The following E2F7 variants were observed in gnomAD, a reference collection of about 807,000 sequenced individuals.
The protein encoded by E2F7 is E2F transcription factor 7.
In E2F7, 35 loss-of-function variants were observed where a neutral mutation model predicts 81.1. The ratio of observed to expected loss-of-function variants is 0.43; its 90% CI spans 0.33 to 0.57. E2F7 has a LOEUF of 0.57. Ranked by LOEUF, E2F7 falls within the 20% of genes least tolerant of loss-of-function variation. The pLI, the probability that E2F7 is intolerant of heterozygous loss-of-function variation, is 0.04. For missense variants in E2F7, 961 were observed against 1,093.7 expected (o/e 0.88, Z 1.71); for synonymous variants, 416 against 416.2 (o/e 1.00, Z 0.01).
In E2F7 at chr12:77,046,247, T is replaced by C; in HGVS notation, c.620A>G (p.Tyr207Cys). 6.2e-7 allele frequency: 1 copy of C among 1,614,206 alleles called. No individual in the cohort carries two copies. Among genetic ancestry groups the C allele is most frequent in the Non-Finnish European group, 8.5e-7 (1 of 1,180,040 alleles). Residue 207 changes from tyrosine to cysteine, a missense_variant, in exon 5 of 13, where the codon TAT becomes TGT. Transcript: ENST00000322886. ...CAGGCTGTGCCGTCCATGCCAGCCA[T>C]ACTGATTCTTAGCCACCCGGCTGAC... The part of the protein sequence containing the change: ...HLVSRVAKNQ[Y>C]GWHGRHSLPK...
In E2F7 at chr12:77,033,045, C is replaced by T. The variant is rs1218319981; in HGVS notation, c.1382+5G>A. 6.2e-7 allele frequency: 1 copy of T among 1,612,362 alleles called. No homozygotes were observed. Among genetic ancestry groups the T allele is most frequent in the Admixed American group, 1.7e-5 (1 of 59,802 alleles). ...ATACACTCTGAGCTTTTATAGACTA[C>T]TTACTGTGAATTGTCTTCTATTTTC... On this transcript the variant is annotated splice_donor_5th_base_variant and intron_variant, in intron 9 of 12. Transcript: ENST00000322886.
chr12:77,063,168 C>G (rs950738642), intron 2 of E2F7, among the ~76,000 whole-genome samples: 1 of 152,194 alleles, frequency 6.6e-6, no homozygotes, highest in African/African-American at 2.4e-5. Flanking sequence ...TATTGCAGTG[C>G]TCATGTTCGA....
rs142084654 is a variant in E2F7 at position 77,059,095 on chromosome 12, G to A, written c.94-2965C>T. ...TTGCTTCCAAAAGAGTTACTTTAGCGAGGGAGCAACTGAGAATGGATTATT... is the reference window on the plus strand; with the variant it reads ...TTGCTTCCAAAAGAGTTACTTTAGCAAGGGAGCAACTGAGAATGGATTATT... On this transcript the variant is annotated intron_variant, in intron 2 of 12. Transcript: ENST00000322886. 9.7e-3 allele frequency among the ~76,000 whole-genome samples: 1,474 copies of A among 152,288 alleles called. 19 individuals are homozygous for A. Among genetic ancestry groups the A allele is most frequent in the African/African-American group, 0.033 (1,373 of 41,548 alleles).
chr12:77,027,235 T>C (rs1468955338), intron 11 of E2F7, among the ~76,000 whole-genome samples: 1 of 152,212 alleles, frequency 6.6e-6, no homozygotes, highest in Non-Finnish European at 1.5e-5. Context: ...ATGTACAAAG[T>C]ACATATTTTT....
rs780614837 is a variant in E2F7 at position 77,043,119 on chromosome 12, G to A, written c.1069C>T (p.Arg357Ter). Residue 357 changes from arginine (R) to a stop codon, truncating the protein, a stop_gained, in exon 7 of 13, where the codon CGA (arginine) becomes TGA (stop). Transcript: ENST00000322886. LOFTEE classifies it high-confidence loss of function. ...CACTTGAAGGCTGGTTTACGACCTC[G>A]CTCTTCTGTTACATGCACTTTCTTT... The part of the protein sequence containing the change: ...LIKKVHVTEE[R>*]GRKPAFKWIG... 2 of 1,614,114 alleles carry A rather than the reference G, an allele frequency of 1.2e-6. No individual in the cohort carries two copies. Among genetic ancestry groups the A allele is most frequent in the East Asian group, 2.2e-5 (1 of 44,874 alleles).
chr12:77,047,912 C>G (rs1029198932), intron 4 of E2F7, among the ~76,000 whole-genome samples: 2 of 152,130 alleles, frequency 1.3e-5, no homozygotes, highest in Admixed American at 1.3e-4. Context: ...TTCTATAAAC[C>G]TTCCCATTAG....
chr12:77,044,683 T>C lies in E2F7; in HGVS notation c.942A>G (p.Ile314Met). The C allele has an allele frequency of 6.2e-7, 1 of 1,614,184 alleles. No individual in the cohort carries two copies. Among genetic ancestry groups the C allele is most frequent in the Non-Finnish European group, 8.5e-7 (1 of 1,180,022 alleles). ...GGGCATCTTGGCTTTCTTCTATCAG[T>C]ATTTTGGCAGCCACATCCAGAGTGA... is the stretch of plus-strand genomic sequence containing the variant. Reference protein sequence around the residue: ...KIVTLDVAAKILIEESQDAPD... With the variant: ...KIVTLDVAAKMLIEESQDAPD... Residue 314 changes from isoleucine (I) to methionine (M), a missense_variant, in exon 6 of 13, where the codon ATA becomes ATG. Physicochemically the swap from Ile to Met is conservative, Grantham distance 10 (BLOSUM62 1). Around this residue, in one of 3 missense-constraint regions of E2F7, gnomAD observed 301 missense variants for 405.0 expected, o/e 0.74. Coordinates refer to ENST00000322886, the MANE Select transcript of E2F7 (RefSeq NM_203394.3).
intron 3 of E2F7, among the ~76,000 whole-genome samples, chr12:77,053,389 C>T (rs1955005814): frequency 6.6e-6 from 1 of 152,110 alleles, no homozygotes; most frequent in Non-Finnish European, 1.5e-5. Context: ...TTGTGCTTGC[C>T]TTTTGTAGTC....
Position 77,023,929 on chromosome 12 carries a change from C to A in E2F7, c.*86G>T. 1 of 1,494,388 alleles carries A rather than the reference C, an allele frequency of 6.7e-7. No homozygotes were observed. The highest frequency in any genetic ancestry group is 9.0e-7 in the Non-Finnish European group (1 of 1,107,792). The allele number at this position is 1,494,388 out of a possible 1,614,324, so 92.6% of individuals were successfully genotyped here. A position where few individuals can be genotyped will look rare whatever the true frequency, so the allele number is the denominator to read the frequency against. On this transcript the variant is annotated 3_prime_UTR_variant, in exon 13 of 13. Coordinates refer to ENST00000322886, the MANE Select transcript of E2F7 (RefSeq NM_203394.3). ...ATGAAAGAGAGAGGAAGGACCCGTG[C>A]TCAGGACGGGATGGTTTGCATCCCG...
chr12:77,039,928 A>G (rs1954881612), intron 7 of E2F7, among the ~76,000 whole-genome samples: 1 of 152,230 alleles, frequency 6.6e-6, no homozygotes. Context: ...ACATGCTACA[A>G]TATGTATCAA....
At chr12:77,045,748 A>G (rs546355003) in intron 5 of E2F7, 69 of 372,274 alleles carry the variant, frequency 1.9e-4, no homozygotes, top group Non-Finnish European at 2.4e-4. Context: ...CAGTTGCACA[A>G]AAAGAACCAG....
At chr12:77,040,460 G>A (rs868733542) in intron 7 of E2F7, among the ~76,000 whole-genome samples, 6 of 152,324 alleles carry the variant, frequency 3.9e-5, no homozygotes, top group Admixed American at 6.5e-5. Flanking sequence ...AGTGCATTGG[G>A]AGACCCAAAT....
intron 3 of E2F7, among the ~76,000 whole-genome samples, 155 bp from the exon 4 acceptor site, chr12:77,050,899 T>C (rs1158365806): frequency 6.6e-6 from 1 of 152,196 alleles, no homozygotes; most frequent in Non-Finnish European, 1.5e-5. Context: ...ATTCCCTGAA[T>C]GTTTTATCTA....
At chr12:77,027,608 C>T (rs10746338) in intron 11 of E2F7, among the ~76,000 whole-genome samples, 103,316 of 152,092 alleles carry the variant, frequency 0.68, 35,902 homozygotes, top group East Asian at 0.92. Flanking sequence ...CAATGCTAGA[C>T]TCAGCTGAAT....
Position 77,034,002 on chromosome 12 carries a change from T to G in E2F7, c.1164A>C (p.Glu388Asp). Reference protein sequence around the residue: ...LVDVSASVLPELKRETYGQIQ... With the variant: ...LVDVSASVLPDLKRETYGQIQ... Reference sequence around the variant, plus strand: ...TCTGGCCATATGTTTCTCTTTTCAATTCTGGTAAGACAGATGCAGAAACAT... The same window carrying G: ...TCTGGCCATATGTTTCTCTTTTCAAGTCTGGTAAGACAGATGCAGAAACAT... Residue 388 changes from glutamate to aspartate, a missense_variant, in exon 8 of 13, where the codon GAA becomes GAC. Physicochemically the swap from Glu to Asp is conservative, Grantham distance 45. Transcript: ENST00000322886. 1 of 1,614,194 alleles carries G rather than the reference T, an allele frequency of 6.2e-7. No homozygotes were observed. Among genetic ancestry groups the G allele is most frequent in the African/African-American group, 1.3e-5 (1 of 75,068 alleles).
At chr12:77,025,505 C>G in intron 12 of E2F7, 53 bp downstream of exon 12, 4 of 1,578,496 alleles carry the variant, frequency 2.5e-6, no homozygotes, top group Non-Finnish European at 3.5e-6. Flanking sequence ...AAGCTAAACA[C>G]AGGCATACCC....
chr12:77,038,704 G>C (rs545808417), intron 7 of E2F7, among the ~76,000 whole-genome samples: 1 of 152,110 alleles, frequency 6.6e-6, no homozygotes, highest in African/African-American at 2.4e-5. Context: ...TGAGAAACTA[G>C]AATAAGAACT....
chr12:77,059,984 C>T (rs1407510460), intron 2 of E2F7, among the ~76,000 whole-genome samples: 1 of 139,650 alleles, frequency 7.2e-6, no homozygotes, highest in African/African-American at 2.7e-5. Flanking sequence ...AAAAAAAAAG[C>T]CAGGCCTCCT....
chr12:77,046,310 A>G lies in E2F7; in HGVS notation c.557T>C (p.Ile186Thr). 2.5e-6 allele frequency: 4 copies of G among 1,613,388 alleles called. No individual in the cohort carries two copies. Among genetic ancestry groups the G allele is most frequent in the Non-Finnish European group, 3.4e-6 (4 of 1,179,480 alleles). ...AVSLGVERRR[I>T]YDIVNVLESL... ...CTCCAGCACATTTACAATGTCATAG[A>G]TGCGTCTCCTTTCCACACCTGTTTG... is the stretch of plus-strand genomic sequence containing the variant. The change falls in exon 5 of 13, where the codon ATC becomes ACC. Residue 186 changes from isoleucine to threonine, a missense_variant. Coordinates refer to ENST00000322886, the MANE Select transcript of E2F7 (RefSeq NM_203394.3).
Sources: gnomAD v4.1 joint callset for allele counts (sites outside exome capture counted in the v4.1 genomes callset) on GRCh38, gnomAD v4.1.1 for gene constraint, gnomAD v4.1.1 regional missense constraint, MANE v1.5 for transcripts, NCBI Gene and HGNC (gene_info 2026-07-23, HGNC 2026-07-21) for gene names.